The following AGBL1 variants were observed in gnomAD, a reference collection of about 807,000 sequenced individuals.
AGBL1 encodes cytosolic carboxypeptidase 4.
AGBL1 carries 130 observed loss-of-function variants against 118.9 expected under a neutral mutation model. The ratio of observed to expected loss-of-function variants is 1.09; its 90% CI spans 0.95 to 1.26. The LOEUF (loss-of-function observed/expected upper bound fraction) is 1.26, where lower values mean the gene tolerates loss of function less well. Ranked by LOEUF, AGBL1 falls within the 50% of genes most tolerant of loss-of-function variation. The probability of loss-of-function intolerance (pLI) is 0.00; values close to 1 mark genes in which losing one functional copy is unlikely to be tolerated. For missense variants in AGBL1, 1,584 were observed against 1,298.1 expected (o/e 1.22, Z -3.38); for synonymous variants, 555 against 478.9 (o/e 1.16, Z -2.08).
chr15:86,228,040 T>C (rs1478596911), intron 6 of AGBL1, among the ~76,000 whole-genome samples: 1 of 152,216 alleles, frequency 6.6e-6, no homozygotes, highest in Non-Finnish European at 1.5e-5. Context: ...GTCTTTGTTT[T>C]ACCAGCCTAT....
chr15:86,694,907 CA>C (rs2086230542), intron 22 of AGBL1, among the ~76,000 whole-genome samples: 1 of 151,948 alleles, frequency 6.6e-6, no homozygotes, highest in Admixed American at 6.6e-5. Flanking sequence ...TATTGCTTTG[CA>C]TATATTAAAC....
intron 22 of AGBL1, among the ~76,000 whole-genome samples, chr15:86,878,763 C>T (rs1308013915): frequency 6.6e-6 from 1 of 152,204 alleles, no homozygotes; most frequent in Non-Finnish European, 1.5e-5. Flanking sequence ...AGCTAATCAG[C>T]CTGCTCAACT....
intron 21 of AGBL1, among the ~76,000 whole-genome samples, chr15:86,603,420 T>A (rs2084525853): frequency 6.6e-6 from 1 of 152,126 alleles, no homozygotes; most frequent in African/African-American, 2.4e-5. Flanking sequence ...ATATTGTTGT[T>A]CCCCACACCC....
chr15:86,154,190 G>C lies in AGBL1; in HGVS notation c.263-240G>C, dbSNP rs1047355478. Among the ~76,000 whole-genome samples, 15 of 152,064 alleles carry C rather than the reference G, an allele frequency of 9.9e-5. No homozygotes were observed. The East Asian group carries it at 2.5e-3, about 25-fold the overall frequency. ...ATGTATGAGGACAACCTAAATATAG[G>C]GGCTTGAGAGTTATTCAACCCACAA... On this transcript the variant is annotated intron_variant, in intron 3 of 22. Coordinates refer to ENST00000614907, the MANE Select transcript of AGBL1 (RefSeq NM_001386094.1).
chr15:86,853,013 A>G (rs8041167), intron 22 of AGBL1, among the ~76,000 whole-genome samples: 1 of 151,826 alleles, frequency 6.6e-6, no homozygotes, highest in Non-Finnish European at 1.5e-5. Flanking sequence ...TTGTTCTTCA[A>G]CTCTGCTGCA....
chr15:86,887,539 A>C (rs1207057201), intron 22 of AGBL1, among the ~76,000 whole-genome samples: 1 of 152,226 alleles, frequency 6.6e-6, no homozygotes, highest in Non-Finnish European at 1.5e-5. Flanking sequence ...TAGCATGTAC[A>C]GGCATTATGA....
chr15:86,276,763 T>C (rs2079259070), intron 15 of AGBL1, among the ~76,000 whole-genome samples: 1 of 152,172 alleles, frequency 6.6e-6, no homozygotes, highest in Non-Finnish European at 1.5e-5. Flanking sequence ...GGGAACAATT[T>C]AACATAGGAA....
intron 18 of AGBL1, among the ~76,000 whole-genome samples, chr15:86,442,288 G>A (rs1244524758): frequency 6.6e-6 from 1 of 152,208 alleles, no homozygotes. Context: ...TATTCTCAGG[G>A]CTACAGTATA....
chr15:86,958,414 G>C (rs776303608), intron 23 of AGBL1, among the ~76,000 whole-genome samples: 1 of 151,930 alleles, frequency 6.6e-6, no homozygotes, highest in Non-Finnish European at 1.5e-5. Context: ...AAAACCATTT[G>C]ATTTTAGCAT....
chr15:86,836,573 A>T (rs978777081), intron 22 of AGBL1, among the ~76,000 whole-genome samples: 2 of 152,152 alleles, frequency 1.3e-5, no homozygotes, highest in Non-Finnish European at 2.9e-5. Flanking sequence ...GAGTCTAGTT[A>T]TATTATCTTC....
intron 15 of AGBL1, among the ~76,000 whole-genome samples, chr15:86,278,881 G>A (rs146303409): frequency 6.6e-6 from 1 of 152,142 alleles, no homozygotes; most frequent in Non-Finnish European, 1.5e-5. Context: ...ATCAAAATTG[G>A]TTCTTCATCT....
chr15:86,983,953 G>C (rs1293574139), intron 23 of AGBL1, among the ~76,000 whole-genome samples: 1 of 152,134 alleles, frequency 6.6e-6, no homozygotes, highest in Non-Finnish European at 1.5e-5. Flanking sequence ...GACAATTAAG[G>C]TGTTTCTTAT....
rs967086142 is a variant in AGBL1 at position 86,138,298 on chromosome 15, C to T, written c.52-3706C>T. ...TTTCAACTTGGTTTCTCAAGAGTCT[C>T]CCATCCAAGTACTAACCAGGCCCAA... On this transcript the variant is annotated intron_variant, in intron 1 of 22. Coordinates refer to ENST00000614907, the MANE Select transcript of AGBL1 (RefSeq NM_001386094.1). The T allele has an allele frequency of 2.0e-5, 3 of 152,208 alleles. No homozygotes were observed. The East Asian group carries it at 5.8e-4, about 29-fold the overall frequency. 9.4% of individuals were successfully genotyped at this position (152,208 alleles called of 1,614,324 possible).
At chr15:86,485,972 T>G (rs2082707483) in intron 18 of AGBL1, among the ~76,000 whole-genome samples, 2 of 152,102 alleles carry the variant, frequency 1.3e-5, no homozygotes, top group African/African-American at 4.8e-5. Context: ...AAGGCAGGAT[T>G]GCAGAGCAGC....
At chr15:87,019,250 T>G (rs2141798822) in intron 24 of AGBL1, among the ~76,000 whole-genome samples, 1 of 152,232 alleles carries the variant, frequency 6.6e-6, no homozygotes, top group African/African-American at 2.4e-5. Context: ...GAACCTGAAC[T>G]CGGCTCTGGA....
At chr15:86,722,642 C>G (rs1268088746) in intron 22 of AGBL1, among the ~76,000 whole-genome samples, 1 of 152,140 alleles carries the variant, frequency 6.6e-6, no homozygotes, top group Non-Finnish European at 1.5e-5. Context: ...GCAACAAAAG[C>G]CAAAATTGAC....
intron 17 of AGBL1, among the ~76,000 whole-genome samples, chr15:86,328,773 G>A (rs2080225785): frequency 6.6e-6 from 1 of 152,158 alleles, no homozygotes; most frequent in Non-Finnish European, 1.5e-5. Flanking sequence ...TTTCTCCCAA[G>A]CCCTAGAGCT....
intron 15 of AGBL1, among the ~76,000 whole-genome samples, chr15:86,279,344 A>T (rs960889796): frequency 3.9e-5 from 6 of 152,304 alleles, no homozygotes; most frequent in African/African-American, 1.4e-4. Flanking sequence ...GTTCTAGCTC[A>T]GTGACTATAT....
intron 6 of AGBL1, among the ~76,000 whole-genome samples, chr15:86,227,202 C>T (rs1357934393): frequency 6.6e-6 from 1 of 152,230 alleles, no homozygotes; most frequent in African/African-American, 2.4e-5. Context: ...CCTGTTCTAA[C>T]AGATTGGTGG....
Sources: allele counts gnomAD v4.1 joint callset (sites outside exome capture counted in the v4.1 genomes callset), GRCh38; gene constraint gnomAD v4.1.1; transcripts MANE v1.5; gene names NCBI Gene and HGNC (gene_info 2026-07-23, HGNC 2026-07-21).